Variants in CFH observed in about 807,000 individuals in gnomAD.
CFH encodes complement factor H, also known as H factor 1 (complement).
A neutral mutation model predicts 147.3 loss-of-function variants in CFH; 53 were observed. The observed-to-expected ratio is 0.36, with a 90% CI of 0.29 to 0.45. The LOEUF is 0.45. Ranked by LOEUF, CFH falls within the 20% of genes least tolerant of loss-of-function variation. The pLI is 1.00. For synonymous variants in CFH, 536 were observed against 489.4 expected, an observed-to-expected ratio of 1.10 and a Z score of -1.26; for missense variants, 1,380 against 1,498.0, an observed-to-expected ratio of 0.92 and a Z score of 1.30.
chr1:196,655,313 G>A (rs892063046), intron 1 of CFH, among the ~76,000 whole-genome samples: 4 of 152,136 alleles, frequency 2.6e-5, no homozygotes, highest in Admixed American at 2.6e-4. Context: ...TATAAGAGAA[G>A]GGGTAGAGAA....
At chr1:196,669,583 C>A (rs1017007395) in intron 1 of CFH, among the ~76,000 whole-genome samples, 4 of 152,182 alleles carry the variant, frequency 2.6e-5, no homozygotes, top group African/African-American at 9.7e-5. Flanking sequence ...AAGCCCTAAG[C>A]CTTGGCAGCT....
intron 16 of CFH, 26 bp downstream of exon 16, chr1:196,737,032 A>G (rs756285158): frequency 4.4e-6 from 7 of 1,586,192 alleles, no homozygotes; most frequent in Non-Finnish European, 6.0e-6. Context: ...TTTGTTTTAC[A>G]TAATTCTTTC....
intron 17 of CFH, 87 bp downstream of exon 17, chr1:196,737,747 G>C: frequency 9.9e-7 from 1 of 1,009,372 alleles, no homozygotes; most frequent in Non-Finnish European, 1.5e-6. Context: ...GAATAATTGA[G>C]ATTACTGCAT....
chr1:196,713,732 T>C lies in CFH; in HGVS notation c.1337-3T>C, dbSNP rs1207671598. The C allele has an allele frequency of 8.3e-6, 13 of 1,558,706 alleles. No individual in the cohort carries two copies. The highest frequency in any genetic ancestry group is 1.1e-5 in the Non-Finnish European group (13 of 1,131,840). On this transcript the variant is annotated splice_region_variant and splice_polypyrimidine_tract_variant and intron_variant, in intron 9 of 21. Coordinates refer to ENST00000367429, the MANE Select transcript of CFH (RefSeq NM_000186.4). ...GTCTTTTTCTTATTCTCTTCCCTTTTAGAAACATGTTCCAAATCAAGTATA... is the reference window on the plus strand; with the variant it reads ...GTCTTTTTCTTATTCTCTTCCCTTTCAGAAACATGTTCCAAATCAAGTATA...
intron 9 of CFH, among the ~76,000 whole-genome samples, chr1:196,695,764 G>A (rs906343073): frequency 6.6e-6 from 1 of 151,866 alleles, no homozygotes; most frequent in Non-Finnish European, 1.5e-5. Flanking sequence ...TTTTCTTTGT[G>A]GCAATTGTGA....
At chr1:196,740,944 T>A in intron 18 of CFH, 152 bp downstream of exon 18, 1 of 794,866 alleles carries the variant, frequency 1.3e-6, no homozygotes, top group South Asian at 1.6e-5. Context: ...CTGTAGTAAT[T>A]AAAACATTTG....
At position 196,692,379 on chromosome 1, in the gene CFH, A is replaced by C. The variant is rs752794554; in HGVS notation, c.1336+2140A>C. ...ACTTTTATTTTTTTCTTCACAGATT[A>C]ATTGAGGCTAATAATATGCCTTGAT... On this transcript the variant is annotated intron_variant, in intron 9 of 21. Coordinates refer to ENST00000367429, the MANE Select transcript of CFH (RefSeq NM_000186.4). 2,268 of 836,668 alleles carry C rather than the reference A, an allele frequency of 2.7e-3. 10 individuals carry two copies. Among genetic ancestry groups the C allele is most frequent in the Admixed American group, 4.4e-3 (71 of 15,984 alleles). The allele number at this position is 836,668 out of a possible 1,614,324, so 51.8% of individuals were successfully genotyped here. A position where few individuals can be genotyped will look rare whatever the true frequency, so the allele number is the denominator to read the frequency against.
At position 196,740,957 on chromosome 1, in the gene CFH, A is replaced by G. The variant is rs1652789619; in HGVS notation, c.2956+165A>G. The G allele has an allele frequency of 1.4e-5, 10 of 700,388 alleles. No individual in the cohort carries two copies. In the East Asian group the frequency reaches 2.5e-4, roughly 17 times the overall value. The allele number at this position is 700,388 out of a possible 1,614,324, so 43.4% of individuals were successfully genotyped here. ...AGCTGTAGTAATTAAAACATTTGAC[A>G]TTATAAGCCAAATTAGTTCATTTTC... On this transcript the variant is annotated intron_variant, in intron 18 of 21. Coordinates refer to ENST00000367429, the MANE Select transcript of CFH (RefSeq NM_000186.4).
chr1:196,688,825 G>A (rs887751168), intron 7 of CFH, among the ~76,000 whole-genome samples: 1 of 152,066 alleles, frequency 6.6e-6, no homozygotes, highest in Non-Finnish European at 1.5e-5. Flanking sequence ...TGTTGGCCCA[G>A]CTGGTCTCGA....
chr1:196,692,795 T>C (rs888698770), intron 9 of CFH, among the ~76,000 whole-genome samples: 5 of 110,298 alleles, frequency 4.5e-5, no homozygotes, highest in East Asian at 2.5e-4. Flanking sequence ...TCTTTCTTTC[T>C]TTCTTTCTTT....
At chr1:196,726,320 A>C (rs1043029177) in intron 12 of CFH, 150 bp from the exon 13 acceptor site, 2 of 652,178 alleles carry the variant, frequency 3.1e-6, no homozygotes, top group Non-Finnish European at 5.3e-6. Flanking sequence ...GTAATACAAT[A>C]TGAACACCAT....
intron 15 of CFH, among the ~76,000 whole-genome samples, chr1:196,731,786 T>C (rs1378480848): frequency 3.3e-5 from 5 of 152,038 alleles, no homozygotes; most frequent in Admixed American, 2.0e-4. Context: ...TGGCAGTTGT[T>C]TTCTTTCAGA....
chr1:196,733,550 T>A (rs1290419811), intron 15 of CFH, among the ~76,000 whole-genome samples: 4 of 152,090 alleles, frequency 2.6e-5, no homozygotes, highest in African/African-American at 9.7e-5. Flanking sequence ...AAAAACCTTT[T>A]CTCTGCACTG....
chr1:196,741,051 G>C (rs958714939), intron 18 of CFH: 1 of 459,548 alleles, frequency 2.2e-6, no homozygotes, highest in African/African-American at 2.0e-5. Flanking sequence ...CTGTTCTTAG[G>C]GCACAGCTGC....
chr1:196,743,675 T>C (rs1446512659), intron 20 of CFH, 47 bp downstream of exon 20: 1 of 1,611,120 alleles, frequency 6.2e-7, no homozygotes, highest in East Asian at 2.2e-5. Context: ...TATAGCAGGG[T>C]TAAAATATGT....
chr1:196,713,767 A>G lies in CFH; in HGVS notation c.1369A>G (p.Asn457Asp). ...TTCCAAATCAAGTATAGATATTGAG[A>G]ATGGGTTTATTTCTGAATCTCAGTA... ...TCSKSSIDIENGFISESQYTY... is the reference protein window; with the variant it reads ...TCSKSSIDIEDGFISESQYTY... Residue 457 changes from asparagine to aspartate, a missense_variant, in exon 10 of 22, where the codon AAT becomes GAT. By Grantham distance (23) the Asn-to-Asp change is conservative (BLOSUM62 1). Coordinates refer to ENST00000367429, the MANE Select transcript of CFH (RefSeq NM_000186.4). 6.2e-7 allele frequency: 1 copy of G among 1,600,422 alleles called. No homozygotes were observed.
At chr1:196,737,719 T>G in intron 17 of CFH, 59 bp downstream of exon 17, 12 of 1,431,324 alleles carry the variant, frequency 8.4e-6, no homozygotes, top group Non-Finnish European at 1.2e-5. Flanking sequence ...AAATAATCTC[T>G]TGTTATCAAA....
chr1:196,660,933 C>T (rs1414387727), intron 1 of CFH, among the ~76,000 whole-genome samples: 1 of 152,102 alleles, frequency 6.6e-6, no homozygotes, highest in African/African-American at 2.4e-5. Context: ...AGGAAGTGAG[C>T]GGGCTAAACT....
intron 15 of CFH, among the ~76,000 whole-genome samples, chr1:196,733,336 C>T (rs1669323888): frequency 1.3e-5 from 2 of 151,992 alleles, no homozygotes; most frequent in Admixed American, 1.3e-4. Context: ...TGCACTGCTC[C>T]AATTTGGCAT....
Sources: allele counts gnomAD v4.1 joint callset (sites outside exome capture counted in the v4.1 genomes callset), GRCh38; gene constraint gnomAD v4.1.1; transcripts MANE v1.5; gene names NCBI Gene and HGNC (gene_info 2026-07-23, HGNC 2026-07-21).